ZBTB2: variants seen among roughly 807,000 people sequenced by gnomAD.
The protein encoded by ZBTB2 is zinc finger and BTB domain-containing protein 2.
Under a neutral mutation model 39.5 loss-of-function variants are expected in ZBTB2, and 2 were observed. That is an observed-to-expected ratio of 0.05 (90% CI 0.02 to 0.16). The LOEUF is 0.16. Ranked by LOEUF, ZBTB2 falls within the 10% of genes least tolerant of loss-of-function variation. The pLI is 1.00. For missense variants in ZBTB2, 391 were observed against 653.0 expected (o/e 0.60, Z 4.37); for synonymous variants, 251 against 256.6 (o/e 0.98, Z 0.21).
intron 1 of ZBTB2, among the ~76,000 whole-genome samples, chr6:151,381,540 A>C (rs902158505): frequency 6.6e-6 from 1 of 151,696 alleles, no homozygotes; most frequent in African/African-American, 2.4e-5. Flanking sequence ...AAAAATAAAA[A>C]TAAAAATAAA....
At chr6:151,368,984 A>G (rs559442373) in intron 2 of ZBTB2, among the ~76,000 whole-genome samples, 1 of 151,272 alleles carries the variant, frequency 6.6e-6, no homozygotes, top group Admixed American at 6.6e-5. Flanking sequence ...GCTGGTCTTG[A>G]ACTCCTGACC....
At chr6:151,374,101 C>A (rs905477540) in intron 1 of ZBTB2, among the ~76,000 whole-genome samples, 28 of 151,968 alleles carry the variant, frequency 1.8e-4, no homozygotes, top group African/African-American at 6.5e-4. Flanking sequence ...TCTAATGATG[C>A]ATCAGAGTTT....
intron 2 of ZBTB2, among the ~76,000 whole-genome samples, chr6:151,370,485 A>T (rs1444474033): frequency 6.6e-6 from 1 of 152,248 alleles, no homozygotes; most frequent in Non-Finnish European, 1.5e-5. Context: ...GATAGGCTTA[A>T]ACAACTTTAA....
intron 1 of ZBTB2, 108 bp from the exon 2 acceptor site, chr6:151,373,757 G>GTGT: frequency 1.0e-6 from 1 of 952,644 alleles, no homozygotes; most frequent in Non-Finnish European, 1.5e-6. Flanking sequence ...CATAGCTAAC[G>GTGT]TGTCAGGCAC....
At chr6:151,391,087 C>T (rs2114891323) in intron 1 of ZBTB2, among the ~76,000 whole-genome samples, 1 of 149,610 alleles carries the variant, frequency 6.7e-6, no homozygotes, top group Middle Eastern at 3.4e-3. Context: ...CACAAAACCC[C>T]GGATGGAGGC....
rs1778834927 is a variant in ZBTB2 at position 151,373,739 on chromosome 6, C to T, written c.-12-90G>A. On this transcript the variant is annotated intron_variant, in intron 1 of 2. Coordinates refer to ENST00000325144, the MANE Select transcript of ZBTB2 (RefSeq NM_020861.3). The stretch of plus-strand genomic sequence containing the variant: ...CACCAACAGTCATGATCATAGCTAA[C>T]ATGTCATCATAGCTAACGTGTCAGG... 3 of 1,140,368 alleles carry T rather than the reference C, an allele frequency of 2.6e-6. No homozygotes were observed. In the East Asian group the frequency reaches 9.4e-5, roughly 36 times the overall value. 70.6% of individuals were successfully genotyped at this position (1,140,368 alleles called of 1,614,324 possible). A position where few individuals can be genotyped will look rare whatever the true frequency, so the allele number is the denominator to read the frequency against.
intron 1 of ZBTB2, among the ~76,000 whole-genome samples, chr6:151,390,380 G>A (rs1365552339): frequency 2.0e-5 from 3 of 149,920 alleles, no homozygotes; most frequent in African/African-American, 7.3e-5. Context: ...GGGGCTGAGG[G>A]GGAGGGAGGG....
chr6:151,374,321 C>T (rs1052181384), intron 1 of ZBTB2, among the ~76,000 whole-genome samples: 25 of 152,102 alleles, frequency 1.6e-4, no homozygotes, highest in Non-Finnish European at 2.5e-4. Context: ...GGGAGGAAAC[C>T]GGTCTTGAGA....
At chr6:151,388,185 G>T (rs1474555360) in intron 1 of ZBTB2, among the ~76,000 whole-genome samples, 1 of 152,094 alleles carries the variant, frequency 6.6e-6, no homozygotes, top group African/African-American at 2.4e-5. Flanking sequence ...CCTTTCCCAG[G>T]TGCATTTGGT....
At chr6:151,372,263 G>C (rs1340265926) in intron 2 of ZBTB2, among the ~76,000 whole-genome samples, 1 of 152,192 alleles carries the variant, frequency 6.6e-6, no homozygotes, top group African/African-American at 2.4e-5. Context: ...AAGGCTGAGA[G>C]AAGGGCAGTG....
At chr6:151,389,299 A>G (rs1057181392) in intron 1 of ZBTB2, among the ~76,000 whole-genome samples, 3 of 152,252 alleles carry the variant, frequency 2.0e-5, no homozygotes. Context: ...TGACCTTTTA[A>G]CAGTTTGAAA....
rs1308748405 is a variant in ZBTB2 at position 151,366,713 on chromosome 6, G to A, written c.353C>T (p.Ala118Val). The change falls in exon 3 of 3, where the codon GCC becomes GTC. Residue 118 changes from alanine (A) to valine (V), a missense_variant. This residue lies in a region of ZBTB2 where 175 missense variants were observed against 198.6 expected (regional missense o/e 0.88). Transcript: ENST00000325144. The surrounding 1 kb of genome is among the most constrained non-coding windows in gnomAD (Gnocchi z 7.1). ...IQEASLASQG[A>V]FSHPDQVFPL... ...GAAAACTTGGTCAGGGTGAGAAAAG[G>A]CTCCCTGGCTGGCGAGGCTGGCTTC... is the stretch of plus-strand genomic sequence containing the variant. The A allele has an allele frequency of 6.2e-7, 1 of 1,614,146 alleles. No individual in the cohort carries two copies.
At chr6:151,381,996 A>G (rs1026396029) in intron 1 of ZBTB2, among the ~76,000 whole-genome samples, 8 of 152,182 alleles carry the variant, frequency 5.3e-5, no homozygotes, top group Admixed American at 3.9e-4. Flanking sequence ...GTACTTCCAC[A>G]AATCTAGTTG....
In ZBTB2 at chr6:151,388,832, T is replaced by C. The variant is rs1280617035; in HGVS notation, c.-13+2588A>G. ...AGCGTTTATTCTCTGCTGCTAGTGG[T>C]AGAGATTGCTCAGCATCAACGTATT... On this transcript the variant is annotated intron_variant, in intron 1 of 2. Transcript: ENST00000325144. 3.9e-5 allele frequency among the ~76,000 whole-genome samples: 6 copies of C among 152,190 alleles called. No homozygotes were observed. The East Asian group carries it at 1.2e-3, about 29-fold the overall frequency.
At chr6:151,381,297 G>T (rs1321325736) in intron 1 of ZBTB2, among the ~76,000 whole-genome samples, 3 of 152,150 alleles carry the variant, frequency 2.0e-5, no homozygotes, top group Non-Finnish European at 4.4e-5. Context: ...GAGGCGGGCA[G>T]ATCACCTGAC....
chr6:151,373,790 A>G, intron 1 of ZBTB2, 141 bp from the exon 2 acceptor site: 1 of 582,038 alleles, frequency 1.7e-6, no homozygotes, highest in East Asian at 3.5e-5. Context: ...TACACAGATT[A>G]ACTCATTTAG....
chr6:151,365,585 G>A lies in ZBTB2; in HGVS notation c.1481C>T (p.Thr494Met), dbSNP rs145574107. The stretch of plus-strand genomic sequence containing the variant: ...AGCTAACACTGGGTGGTCAGGCTCC[G>A]TTACTTCCGAGTCCCCACTGCCCAG... Reference protein sequence around the residue: ...ILLGSGDSEVTEPDHPVLASI... With the variant: ...ILLGSGDSEVMEPDHPVLASI... Residue 494 changes from threonine to methionine, a missense_variant, in exon 3 of 3, where the codon ACG (threonine) becomes ATG (methionine). Thr to Met is a moderately conservative substitution (Grantham distance 81). This residue lies in a region of ZBTB2 where 49 missense variants were observed against 55.6 expected (regional missense o/e 0.88). Transcript: ENST00000325144. The surrounding 1 kb of genome is among the most constrained non-coding windows in gnomAD (Gnocchi z 5.6). The A allele has an allele frequency of 7.4e-6, 12 of 1,614,046 alleles. No individual in the cohort carries two copies. The highest frequency in any genetic ancestry group is 5.3e-5 in the African/African-American group (4 of 74,918).
At chr6:151,367,344 T>C (rs1057094360) in intron 2 of ZBTB2, among the ~76,000 whole-genome samples, 4 of 152,150 alleles carry the variant, frequency 2.6e-5, no homozygotes, top group African/African-American at 9.7e-5. Flanking sequence ...TGGTCTCCAA[T>C]TCCTGACCTC....
intron 1 of ZBTB2, among the ~76,000 whole-genome samples, chr6:151,383,912 TC>T (rs1779097106): frequency 1.3e-5 from 2 of 152,170 alleles, no homozygotes; most frequent in Admixed American, 1.3e-4. Context: ...TACTATTTTA[TC>T]CCAGTGCCTT....
Sources: gnomAD v4.1 joint callset for allele counts (sites outside exome capture counted in the v4.1 genomes callset) on GRCh38, gnomAD v4.1.1 for gene constraint, gnomAD v4.1.1 regional missense constraint, Gnocchi (gnomAD v3.1) non-coding constraint, MANE v1.5 for transcripts, NCBI Gene and HGNC (gene_info 2026-07-23, HGNC 2026-07-21) for gene names.